Variants in CASD1 observed in about 807,000 individuals in gnomAD.
CASD1 encodes the protein CAS1 domain sialic acid O acetyltransferase 1.
In CASD1, 41 loss-of-function variants were observed where a neutral mutation model predicts 100.0. That is an observed-to-expected ratio of 0.41 (90% CI 0.32 to 0.53). The LOEUF is 0.53. Ranked by LOEUF, CASD1 falls within the 20% of genes least tolerant of loss-of-function variation. The pLI, the probability that CASD1 is intolerant of heterozygous loss-of-function variation, is 0.25. For synonymous variants in CASD1, 321 were observed against 315.6 expected (o/e 1.02, Z -0.18); for missense variants, 774 against 948.7 (o/e 0.82, Z 2.42).
chr7:94,570,300 TG>T, the CASD1 span, among the ~76,000 whole-genome samples: 1 of 152,182 alleles, frequency 6.6e-6, no homozygotes, highest in African/African-American at 2.4e-5. Flanking sequence ...CACTTCTTTT[TG>T]TGTACCTTCT....
At chr7:94,612,697 AACT>A in the CASD1 span, among the ~76,000 whole-genome samples, 1 of 152,178 alleles carries the variant, frequency 6.6e-6, no homozygotes, top group African/African-American at 2.4e-5. Flanking sequence ...CATACTGCCA[AACT>A]ACTTTCATCT....
chr7:94,567,276 AT>A, the CASD1 span, among the ~76,000 whole-genome samples: 1 of 151,572 alleles, frequency 6.6e-6, no homozygotes, highest in African/African-American at 2.4e-5. Flanking sequence ...ATAGTGATTT[AT>A]TTTTCTCTTT....
At chr7:94,562,294 T>G in the CASD1 span, among the ~76,000 whole-genome samples, 1 of 152,222 alleles carries the variant, frequency 6.6e-6, no homozygotes, top group South Asian at 2.1e-4. Context: ...ATGATGTTAT[T>G]TGGCTATATT....
chr7:94,528,032 A>C (rs1214898627), intron 4 of CASD1, among the ~76,000 whole-genome samples, 156 bp from the exon 5 acceptor site: 1 of 152,262 alleles, frequency 6.6e-6, no homozygotes, highest in Non-Finnish European at 1.5e-5. Context: ...GAACTATTGT[A>C]AGACTCTTGC....
At chr7:94,524,838 A>T (rs1384425948) in intron 3 of CASD1, among the ~76,000 whole-genome samples, 1 of 152,162 alleles carries the variant, frequency 6.6e-6, no homozygotes, top group Admixed American at 6.5e-5. Flanking sequence ...GTTCTAGGTT[A>T]TACGAGATTA....
At chr7:94,560,318 T>C (rs1238567058), downstream of CASD1, among the ~76,000 whole-genome samples, 1 of 152,188 alleles carries the variant, frequency 6.6e-6, no homozygotes, top group African/African-American at 2.4e-5. Context: ...ATTCAGCACT[T>C]TCTTTCCTTG....
chr7:94,541,490 G>A (rs1795392383), intron 10 of CASD1, among the ~76,000 whole-genome samples: 1 of 140,680 alleles, frequency 7.1e-6, no homozygotes, highest in South Asian at 2.3e-4. Flanking sequence ...TTAATACAAA[G>A]AGAATAGTAA....
At chr7:94,587,121 AAAC>A in the CASD1 span, 16 of 983,502 alleles carry the variant, frequency 1.6e-5, no homozygotes, top group African/African-American at 5.2e-5. Context: ...AAATTAGGTT[AAAC>A]AACCTTAAAA....
chr7:94,552,296 T>G (rs1795989111), intron 15 of CASD1, 54 bp from the exon 16 acceptor site: 3 of 1,199,506 alleles, frequency 2.5e-6, no homozygotes, highest in South Asian at 2.6e-5. Context: ...CTGTGAGGCT[T>G]ATGCCTCTTC....
At chr7:94,614,960 G>A in the CASD1 span, among the ~76,000 whole-genome samples, 11 of 152,088 alleles carry the variant, frequency 7.2e-5, no homozygotes, top group East Asian at 1.7e-3. Context: ...AATTGATACA[G>A]GTTTCCAATT....
chr7:94,561,241 T>A (rs926086197), downstream of CASD1, among the ~76,000 whole-genome samples: 7 of 152,010 alleles, frequency 4.6e-5, no homozygotes, highest in Non-Finnish European at 7.4e-5. Context: ...AGCGAAACTC[T>A]GCCTCAAAAA....
chr7:94,527,518 G>T (rs778344132), intron 4 of CASD1, among the ~76,000 whole-genome samples: 14 of 151,332 alleles, frequency 9.3e-5, no homozygotes, highest in Admixed American at 3.9e-4. Context: ...TTGACCTAAT[G>T]AAGATTGCAG....
intron 1 of CASD1, among the ~76,000 whole-genome samples, chr7:94,510,690 C>G (rs1244331107): frequency 6.6e-6 from 1 of 152,210 alleles, no homozygotes; most frequent in African/African-American, 2.4e-5. Context: ...GCTCCTTAGC[C>G]TTTGTTTAAT....
chr7:94,624,295 T>G, the CASD1 span: 1 of 397,668 alleles, frequency 2.5e-6, no homozygotes, highest in East Asian at 3.6e-5. Flanking sequence ...TAAAAATAAA[T>G]ATCTTGTGCA....
At chr7:94,543,433 C>A (rs892178247) in intron 10 of CASD1, among the ~76,000 whole-genome samples, 2 of 152,106 alleles carry the variant, frequency 1.3e-5, no homozygotes. Context: ...GCGGGTAGAT[C>A]ACCCGAGGTC....
intron 10 of CASD1, 21 bp downstream of exon 10, chr7:94,539,077 T>A (rs778231105): frequency 7.0e-7 from 1 of 1,438,548 alleles, no homozygotes. Flanking sequence ...GGAATTTAAG[T>A]TCAGAAAGTA....
At chr7:94,525,248 G>T (rs570077458) in intron 3 of CASD1, among the ~76,000 whole-genome samples, 8 of 152,184 alleles carry the variant, frequency 5.3e-5, no homozygotes. Context: ...TTTTAAAATT[G>T]AAAGTTGGAG....
the CASD1 span, among the ~76,000 whole-genome samples, chr7:94,614,345 TC>T: frequency 6.6e-6 from 1 of 152,176 alleles, no homozygotes; most frequent in African/African-American, 2.4e-5. Context: ...CATTCAGTCT[TC>T]CCTATTCTAC....
At chr7:94,553,122 T>G (rs1021377930) in intron 16 of CASD1, 5 of 475,820 alleles carry the variant, frequency 1.1e-5, no homozygotes, top group Non-Finnish European at 2.1e-5. Flanking sequence ...AGCCTTTGTT[T>G]AGGTCTCACA....
Sources: gnomAD v4.1 joint callset for allele counts (sites outside exome capture counted in the v4.1 genomes callset) on GRCh38, gnomAD v4.1.1 for gene constraint, MANE v1.5 for transcripts, NCBI Gene and HGNC (gene_info 2026-07-23, HGNC 2026-07-21) for gene names.